Variants in UGT2B7 observed in about 807,000 individuals in gnomAD.
UGT2B7 encodes UDP glucuronosyltransferase family 2 member B7, also known as UDP-glucuronosyltransferase 2B7.
A neutral mutation model predicts 51.9 loss-of-function variants in UGT2B7; 51 were observed. The ratio of observed to expected loss-of-function variants is 0.98; its 90% CI spans 0.78 to 1.24. The LOEUF is 1.24. UGT2B7 is among the 50% of genes most tolerant of loss of function. The probability of loss-of-function intolerance (pLI) is 0.00; values close to 1 mark genes in which losing one functional copy is unlikely to be tolerated. For synonymous variants in UGT2B7, 225 were observed against 211.6 expected, an observed-to-expected ratio of 1.06 and a Z score of -0.55; for missense variants, 727 against 628.4, an observed-to-expected ratio of 1.16 and a Z score of -1.68.
At position 69,111,998 on chromosome 4, in the gene UGT2B7, G is replaced by A. The variant is rs536027020; in HGVS notation, c.1311-459G>A. On this transcript the variant is annotated intron_variant, in intron 5 of 5. Coordinates refer to ENST00000305231, the MANE Select transcript of UGT2B7 (RefSeq NM_001074.4). ...TAGGGAGGAGACCATGCTTCATATC[G>A]TCTTATGCCCAATTTCTGCCTCCAA... is the stretch of plus-strand genomic sequence containing the variant. Among the ~76,000 whole-genome samples, 24 of 152,174 alleles carry A rather than the reference G, an allele frequency of 1.6e-4. No individual in the cohort carries two copies. The South Asian group carries it at 5.0e-3, about 32-fold the overall frequency.
chr4:69,075,830 G>A (rs369650317), intron 1 of UGT2B7, among the ~76,000 whole-genome samples: 2 of 152,096 alleles, frequency 1.3e-5, no homozygotes, highest in Admixed American at 1.3e-4. Context: ...TGCAAAATGT[G>A]CAGGATTGCT....
At chr4:69,087,501 T>A (rs1718988335) in intron 1 of UGT2B7, among the ~76,000 whole-genome samples, 1 of 151,930 alleles carries the variant, frequency 6.6e-6, no homozygotes, top group African/African-American at 2.4e-5. Context: ...GTATTCTGAG[T>A]TTGTCTTTAT....
At chr4:69,071,102 T>G (rs1280880874) in intron 1 of UGT2B7, among the ~76,000 whole-genome samples, 5 of 152,078 alleles carry the variant, frequency 3.3e-5, no homozygotes, top group African/African-American at 1.2e-4. Flanking sequence ...TGTAATTGGA[T>G]GGTAATACAC....
chr4:69,079,822 C>T (rs796875259), intron 1 of UGT2B7, among the ~76,000 whole-genome samples: 2 of 151,252 alleles, frequency 1.3e-5, no homozygotes, highest in South Asian at 4.2e-4. Flanking sequence ...CTGACTTTGG[C>T]TTTTGGTGTT....
At chr4:69,058,503 A>C (rs1265386475) in intron 1 of UGT2B7, among the ~76,000 whole-genome samples, 1 of 152,158 alleles carries the variant, frequency 6.6e-6, no homozygotes, top group African/African-American at 2.4e-5. Context: ...ACCAAAAGGC[A>C]CTCCTGCAAA....
chr4:69,064,064 G>T (rs1718421539), intron 1 of UGT2B7, among the ~76,000 whole-genome samples: 1 of 101,878 alleles, frequency 9.8e-6, no homozygotes, highest in African/African-American at 5.3e-5. Flanking sequence ...AAGAAAGAAA[G>T]AAAGAAAGAA....
At chr4:69,110,959 T>C (rs775847462) in intron 5 of UGT2B7, among the ~76,000 whole-genome samples, 5 of 152,176 alleles carry the variant, frequency 3.3e-5, no homozygotes, top group African/African-American at 9.6e-5. Flanking sequence ...AATAGCAAAA[T>C]AAGCACAGAA....
At position 69,096,630 on chromosome 4, in the gene UGT2B7, T is replaced by A; in HGVS notation, c.110T>A (p.Met37Lys). The A allele has an allele frequency of 6.2e-7, 1 of 1,614,050 alleles. No homozygotes were observed. Among genetic ancestry groups the A allele is most frequent in the South Asian group, 1.1e-5 (1 of 91,086 alleles). Residue 37 changes from methionine (M) to lysine (K), a missense_variant, in exon 1 of 6, where the codon ATG becomes AAG. Transcript: ENST00000305231. Reference protein sequence around the residue: ...LVWAAEYSHWMNIKTILDELI... With the variant: ...LVWAAEYSHWKNIKTILDELI... ...TGGGCAGCAGAATACAGCCATTGGATGAATATAAAGACAATCCTGGATGAG... is the reference window on the plus strand; with the variant it reads ...TGGGCAGCAGAATACAGCCATTGGAAGAATATAAAGACAATCCTGGATGAG...
intron 1 of UGT2B7, chr4:69,066,271 G>A (rs1473459146): frequency 6.6e-6 from 1 of 152,124 alleles, no homozygotes; most frequent in Non-Finnish European, 1.5e-5. Context: ...TCACACAGGT[G>A]TTAAGCCTAA....
chr4:69,110,111 A>G (rs1467147423), intron 5 of UGT2B7, among the ~76,000 whole-genome samples: 1 of 152,138 alleles, frequency 6.6e-6, no homozygotes. Context: ...CAATTAACAA[A>G]TGGAATCTTA....
At chr4:69,064,022 A>AAGAAAGAG (rs1560499587) in intron 1 of UGT2B7, among the ~76,000 whole-genome samples, 1 of 37,396 alleles carries the variant, frequency 2.7e-5, no homozygotes, top group Non-Finnish European at 5.1e-5. Context: ...TGAGATGGGA[A>AAGAAAGAG]AGAAAGAAAG....
chr4:69,073,515 C>A (rs2109869608), intron 1 of UGT2B7, among the ~76,000 whole-genome samples: 1 of 152,110 alleles, frequency 6.6e-6, no homozygotes, highest in East Asian at 1.9e-4. Context: ...TGGCAAAAAA[C>A]AAGGTTGATA....
At chr4:69,102,740 C>A in intron 2 of UGT2B7, 67 bp from the exon 3 acceptor site, 2 of 1,565,076 alleles carry the variant, frequency 1.3e-6, no homozygotes, top group Non-Finnish European at 1.7e-6. Context: ...GTAATTTGCA[C>A]CAATTCTTTT....
chr4:69,083,638 T>G (rs1324219868), intron 1 of UGT2B7, among the ~76,000 whole-genome samples: 5 of 152,118 alleles, frequency 3.3e-5, no homozygotes, highest in Non-Finnish European at 5.9e-5. Context: ...ATTTCATTTT[T>G]GTAACTTTGT....
chr4:69,081,491 C>T (rs1718836797), intron 1 of UGT2B7, among the ~76,000 whole-genome samples: 1 of 152,166 alleles, frequency 6.6e-6, no homozygotes, highest in South Asian at 2.1e-4. Flanking sequence ...AATTATTTTG[C>T]CTGTAAATTA....
chr4:69,097,051 C>A lies in UGT2B7; in HGVS notation c.531C>A (p.Gly177=). The change falls in exon 1 of 6, where the codon GGC becomes GGA. Residue 177 remains glycine, a synonymous_variant. Transcript: ENST00000305231. The part of the protein sequence containing the change: ...PFVYSLSFSP[G]YTFEKHSGGF... Reference sequence around the variant, plus strand: ...TGTACAGTCTCAGCTTCTCTCCTGGCTACACTTTTGAAAAGCATAGTGGAG... The same window carrying A: ...TGTACAGTCTCAGCTTCTCTCCTGGATACACTTTTGAAAAGCATAGTGGAG... 1 of 1,613,800 alleles carries A rather than the reference C, an allele frequency of 6.2e-7. No individual in the cohort carries two copies. Among genetic ancestry groups the A allele is most frequent in the Non-Finnish European group, 8.5e-7 (1 of 1,179,774 alleles).
chr4:69,101,965 G>A (rs1219197417), intron 2 of UGT2B7, among the ~76,000 whole-genome samples: 1 of 152,118 alleles, frequency 6.6e-6, no homozygotes, highest in Non-Finnish European at 1.5e-5. Context: ...AAGTGATGAT[G>A]AGAGTTCCTC....
intron 1 of UGT2B7, among the ~76,000 whole-genome samples, chr4:69,064,088 GAAAGAAAGAGAA>G (rs1423387809): frequency 9.5e-6 from 1 of 104,794 alleles, no homozygotes; most frequent in African/African-American, 5.0e-5. Flanking sequence ...AAGAAAGAAA[GAAAGAAAGAGAA>G]AGAAAGAAAG....
At chr4:69,064,108 A>AAGAAAGAGAGAGAGAG (rs1718432616) in intron 1 of UGT2B7, among the ~76,000 whole-genome samples, 1 of 94,296 alleles carries the variant, frequency 1.1e-5, no homozygotes, top group Non-Finnish European at 2.0e-5. Flanking sequence ...GAAAGAAAGA[A>AAGAAAGAGAGAGAGAG]AGAAAAAGAA....
Sources: gnomAD v4.1 joint callset for allele counts (sites outside exome capture counted in the v4.1 genomes callset) on GRCh38, gnomAD v4.1.1 for gene constraint, MANE v1.5 for transcripts, NCBI Gene and HGNC (gene_info 2026-07-23, HGNC 2026-07-21) for gene names.